The following SLC35F1 variants were observed in gnomAD, a reference collection of about 807,000 sequenced individuals.
The protein encoded by SLC35F1 is chromosome 6 open reading frame 169.
Under a neutral mutation model 48.7 loss-of-function variants are expected in SLC35F1, and 14 were observed. The ratio of observed to expected loss-of-function variants is 0.29; its 90% CI spans 0.19 to 0.45. The LOEUF (loss-of-function observed/expected upper bound fraction) is 0.45, where lower values mean the gene tolerates loss of function less well. Ranked by LOEUF, SLC35F1 falls within the 20% of genes least tolerant of loss-of-function variation. The pLI is 1.00. For synonymous variants in SLC35F1, 190 were observed against 202.2 expected, an observed-to-expected ratio of 0.94 and a Z score of 0.51; for missense variants, 404 against 500.0, an observed-to-expected ratio of 0.81 and a Z score of 1.83.
intron 6 of SLC35F1, among the ~76,000 whole-genome samples, chr6:118,282,285 T>C (rs1775993395): frequency 6.6e-6 from 1 of 152,214 alleles, no homozygotes; most frequent in African/African-American, 2.4e-5. Flanking sequence ...CAACTCTCAA[T>C]TTAATCATGT....
chr6:117,941,549 G>C (rs1300302360), intron 1 of SLC35F1, among the ~76,000 whole-genome samples: 1 of 152,158 alleles, frequency 6.6e-6, no homozygotes, highest in East Asian at 1.9e-4. Flanking sequence ...AGGTGTCAGG[G>C]ACATCTTACC....
intron 2 of SLC35F1, among the ~76,000 whole-genome samples, chr6:118,188,743 T>C (rs1562319649): frequency 6.6e-6 from 1 of 152,222 alleles, no homozygotes. Flanking sequence ...ACTTACGTTG[T>C]TTCCATATCT....
At chr6:117,913,467 G>C (rs1190670780) in intron 1 of SLC35F1, among the ~76,000 whole-genome samples, 2 of 152,144 alleles carry the variant, frequency 1.3e-5, no homozygotes, top group Non-Finnish European at 2.9e-5. Context: ...AATCTGAATT[G>C]TTACACATAA....
At chr6:118,207,652 C>T (rs1214846673) in intron 2 of SLC35F1, among the ~76,000 whole-genome samples, 4 of 152,164 alleles carry the variant, frequency 2.6e-5, no homozygotes, top group Non-Finnish European at 5.9e-5. Context: ...ACAATGTCAG[C>T]AGACCTTCCC....
intron 1 of SLC35F1, among the ~76,000 whole-genome samples, chr6:117,959,031 T>C (rs910561900): frequency 6.6e-6 from 1 of 152,164 alleles, no homozygotes; most frequent in Non-Finnish European, 1.5e-5. Context: ...GGCAGGCTGG[T>C]TGGTTTAGAT....
chr6:117,999,313 C>T, intron 1 of SLC35F1: 1 of 1,595,790 alleles, frequency 6.3e-7, no homozygotes, highest in Non-Finnish European at 8.5e-7. Context: ...CCCGTATTGC[C>T]AAGGGGCTCA....
At chr6:118,091,655 G>A (rs1325630544) in intron 1 of SLC35F1, among the ~76,000 whole-genome samples, 1 of 152,172 alleles carries the variant, frequency 6.6e-6, no homozygotes, top group Non-Finnish European at 1.5e-5. Flanking sequence ...GTGGGTCACT[G>A]CTGTAAAGAT....
chr6:118,213,892 G>T (rs569790354), intron 2 of SLC35F1, among the ~76,000 whole-genome samples: 1 of 152,336 alleles, frequency 6.6e-6, no homozygotes, highest in East Asian at 1.9e-4. Context: ...AGTACTGGAT[G>T]TGAAGGAAAG....
chr6:118,162,068 A>T (rs205957), intron 2 of SLC35F1, among the ~76,000 whole-genome samples: 6 of 152,050 alleles, frequency 3.9e-5, no homozygotes, highest in African/African-American at 9.7e-5. Flanking sequence ...ACATACAAAT[A>T]CTCATTGCAT....
chr6:117,911,659 T>G (rs1237330281), intron 1 of SLC35F1, among the ~76,000 whole-genome samples: 1 of 152,094 alleles, frequency 6.6e-6, no homozygotes, highest in African/African-American at 2.4e-5. Context: ...TTTCCCAGGC[T>G]GGCCTCAAAC....
intron 1 of SLC35F1, among the ~76,000 whole-genome samples, chr6:117,981,993 G>A (rs567437617): frequency 5.9e-5 from 9 of 152,178 alleles, no homozygotes; most frequent in African/African-American, 2.2e-4. Context: ...GCTAGGCATT[G>A]CATTCTCTGT....
At chr6:117,947,380 C>T (rs952855216) in intron 1 of SLC35F1, among the ~76,000 whole-genome samples, 1 of 152,004 alleles carries the variant, frequency 6.6e-6, no homozygotes, top group African/African-American at 2.4e-5. Flanking sequence ...GGAGAAGGGC[C>T]CCGCAAACCA....
At chr6:118,161,301 C>CA (rs796961330) in intron 2 of SLC35F1, among the ~76,000 whole-genome samples, 3,910 of 130,870 alleles carry the variant, frequency 0.03, 53 homozygotes, top group South Asian at 0.065. Flanking sequence ...CATAGGCAGT[C>CA]AAAAAAAAAA....
chr6:118,016,496 C>T (rs1330838263), intron 1 of SLC35F1, among the ~76,000 whole-genome samples: 1 of 152,188 alleles, frequency 6.6e-6, no homozygotes, highest in Non-Finnish European at 1.5e-5. Context: ...TCTAGTTCAT[C>T]AGCAAGGGTG....
chr6:118,018,833 C>T (rs1255021268), intron 1 of SLC35F1, among the ~76,000 whole-genome samples: 2 of 152,126 alleles, frequency 1.3e-5, no homozygotes, highest in Admixed American at 1.3e-4. Context: ...TCCTGACATC[C>T]TGGGTTGATT....
chr6:118,168,679 A>G (rs1774355038), intron 2 of SLC35F1, among the ~76,000 whole-genome samples: 1 of 152,144 alleles, frequency 6.6e-6, no homozygotes, highest in African/African-American at 2.4e-5. Flanking sequence ...GTCTACAGCA[A>G]CTGACTTCAG....
intron 1 of SLC35F1, among the ~76,000 whole-genome samples, chr6:118,148,279 A>G (rs1272571201): frequency 6.6e-6 from 1 of 152,264 alleles, no homozygotes; most frequent in Non-Finnish European, 1.5e-5. Flanking sequence ...GCAAAGAATT[A>G]CAAGCAATAT....
chr6:118,302,656 G>A (rs1467017688), intron 7 of SLC35F1, among the ~76,000 whole-genome samples: 14 of 152,036 alleles, frequency 9.2e-5, no homozygotes, highest in Non-Finnish European at 1.5e-5. Flanking sequence ...ATAACTCAAA[G>A]TTCACTTTGT....
intron 7 of SLC35F1, among the ~76,000 whole-genome samples, chr6:118,309,937 G>A (rs1223908434): frequency 1.3e-5 from 2 of 152,084 alleles, no homozygotes; most frequent in Admixed American, 1.3e-4. Context: ...CAGCACTCGG[G>A]GATTTTCATT....
Sources: allele counts gnomAD v4.1 joint callset (sites outside exome capture counted in the v4.1 genomes callset), GRCh38; gene constraint gnomAD v4.1.1; transcripts MANE v1.5; gene names NCBI Gene and HGNC (gene_info 2026-07-23, HGNC 2026-07-21).